MTMR2: variants seen among roughly 807,000 people sequenced by gnomAD.
MTMR2 encodes phosphatidylinositol-3,5-bisphosphate 3-phosphatase MTMR2.
A neutral mutation model predicts 86.9 loss-of-function variants in MTMR2; 55 were observed. The ratio of observed to expected loss-of-function variants is 0.63; its 90% CI spans 0.51 to 0.79. The LOEUF is 0.79. MTMR2 is among the 30% of genes least tolerant of loss of function. The pLI, the probability that MTMR2 is intolerant of heterozygous loss-of-function variation, is 0.00. For synonymous variants in MTMR2, 241 were observed against 266.8 expected (o/e 0.90, Z 0.94); for missense variants, 659 against 772.3 (o/e 0.85, Z 1.74).
intron 1 of MTMR2, among the ~76,000 whole-genome samples, chr11:95,918,970 T>C (rs1028825410): frequency 2.0e-5 from 3 of 152,176 alleles, no homozygotes; most frequent in African/African-American, 7.2e-5. Context: ...CCCAAGTATC[T>C]GGGACTACAG....
intron 5 of MTMR2, 85 bp from the exon 6 acceptor site, chr11:95,858,717 A>C (rs1478291001): frequency 5.5e-6 from 5 of 908,958 alleles, no homozygotes; most frequent in Non-Finnish European, 9.0e-6. Flanking sequence ...TATCTTGTAA[A>C]ATGTTAAGAT....
intron 1 of MTMR2, among the ~76,000 whole-genome samples, chr11:95,921,648 T>C (rs1044909349): frequency 3.9e-5 from 6 of 152,170 alleles, no homozygotes; most frequent in Non-Finnish European, 8.8e-5. Context: ...TGATGATTAA[T>C]GAAATAAAAG....
intron 7 of MTMR2, among the ~76,000 whole-genome samples, chr11:95,857,219 A>G (rs1343805813): frequency 6.6e-6 from 1 of 152,172 alleles, no homozygotes; most frequent in Non-Finnish European, 1.5e-5. Flanking sequence ...ACTCTAGATA[A>G]CAAATCTAAT....
At position 95,862,319 on chromosome 11, in the gene MTMR2, T is replaced by A. The variant is rs1340390391; in HGVS notation, c.310A>T (p.Thr104Ser). 2 of 1,614,022 alleles carry A rather than the reference T, an allele frequency of 1.2e-6. No individual in the cohort carries two copies. The highest frequency in any genetic ancestry group is 1.7e-5 in the Admixed American group (1 of 59,998). ...AACCTATAATTCGTGACAGTCAGAGTTCCTCGTACAGCGCCAGTGAATGGA... is the reference window on the plus strand; with the variant it reads ...AACCTATAATTCGTGACAGTCAGAGATCCTCGTACAGCGCCAGTGAATGGA... Reference protein sequence around the residue: ...ICPFTGAVRGTLTVTNYRLYF... With the variant: ...ICPFTGAVRGSLTVTNYRLYF... Residue 104 changes from threonine (T) to serine (S), a missense_variant, in exon 4 of 15, where the codon ACT becomes TCT. Physicochemically the swap from Thr to Ser is moderately conservative, Grantham distance 58 (BLOSUM62 1). Around this residue, in one of 3 missense-constraint regions of MTMR2, gnomAD observed 387 missense variants for 526.3 expected, o/e 0.74. Transcript: ENST00000346299.
chr11:95,833,850 A>C lies in MTMR2; in HGVS notation c.*1440T>G, dbSNP rs950208224. 5 of 152,062 alleles carry C rather than the reference A, an allele frequency of 3.3e-5. No homozygotes were observed. Among genetic ancestry groups the C allele is most frequent in the African/African-American group, 1.2e-4 (5 of 41,420 alleles). The allele number at this position is 152,062 out of a possible 1,614,324, so 9.4% of individuals were successfully genotyped here. A position where few individuals can be genotyped will look rare whatever the true frequency, so the allele number is the denominator to read the frequency against. On this transcript the variant is annotated 3_prime_UTR_variant, in exon 15 of 15. Transcript: ENST00000346299. ...AATCATTTTGGTACCAATTTTGCTAAATTGGATATACTAATAGAAACTTCC... is the reference window on the plus strand; with the variant it reads ...AATCATTTTGGTACCAATTTTGCTACATTGGATATACTAATAGAAACTTCC...
intron 3 of MTMR2, among the ~76,000 whole-genome samples, chr11:95,863,768 A>G (rs763556524): frequency 1.3e-5 from 2 of 152,148 alleles, no homozygotes; most frequent in African/African-American, 4.8e-5. Flanking sequence ...GATAATATAC[A>G]TATAAAGATG....
Position 95,841,658 on chromosome 11 carries a change from A to G in MTMR2, c.1438T>C (p.Phe480Leu). The G allele has an allele frequency of 6.2e-7, 1 of 1,613,968 alleles. No homozygotes were observed. Among genetic ancestry groups the G allele is most frequent in the Non-Finnish European group, 8.5e-7 (1 of 1,179,874 alleles). The change falls in exon 12 of 15, where the codon TTT becomes CTT. Residue 480 changes from phenylalanine (F) to leucine (L), a missense_variant. This residue lies in a region of MTMR2 where 193 missense variants were observed against 191.6 expected (regional missense o/e 1.01). Coordinates refer to ENST00000346299, the MANE Select transcript of MTMR2 (RefSeq NM_016156.6). ...NHADADRSPV[F>L]LQFIDCVWQM... ...CAGACACAGTCAATAAATTGAAGAA[A>G]AACAGGCGATCTGTCTGCATCTGCA...
chr11:95,853,672 T>C (rs1565353851), intron 7 of MTMR2, among the ~76,000 whole-genome samples: 1 of 152,192 alleles, frequency 6.6e-6, no homozygotes, highest in Non-Finnish European at 1.5e-5. Flanking sequence ...ATATTGTAAT[T>C]GTTAATCTAT....
chr11:95,859,017 ATTTC>A (rs1864309753), intron 5 of MTMR2, among the ~76,000 whole-genome samples: 2 of 152,126 alleles, frequency 1.3e-5, no homozygotes, highest in South Asian at 2.1e-4. Context: ...TCTGTCATAA[ATTTC>A]TTTATTTATA....
At chr11:95,891,840 G>T (rs758654994) in intron 1 of MTMR2, among the ~76,000 whole-genome samples, 39 of 152,198 alleles carry the variant, frequency 2.6e-4, no homozygotes, top group Non-Finnish European at 4.4e-4. Context: ...GAGAGAGAAA[G>T]GGGGAGAGAG....
At chr11:95,862,146 C>T (rs770977768) in intron 4 of MTMR2, 44 bp from the exon 5 acceptor site, 2 of 1,543,454 alleles carry the variant, frequency 1.3e-6, no homozygotes, top group Admixed American at 1.7e-5. Context: ...GCAATTAATA[C>T]TGTCCAATTA....
At chr11:95,841,121 T>C (rs771550394) in intron 12 of MTMR2, among the ~76,000 whole-genome samples, 1 of 152,042 alleles carries the variant, frequency 6.6e-6, no homozygotes, top group African/African-American at 2.4e-5. Context: ...CCATAATAGC[T>C]CTCTCTATGC....
At chr11:95,892,432 A>G (rs1427060682) in intron 1 of MTMR2, among the ~76,000 whole-genome samples, 6 of 152,204 alleles carry the variant, frequency 3.9e-5, no homozygotes, top group African/African-American at 9.6e-5. Flanking sequence ...CACTTCCCAC[A>G]TTAGACTAGA....
intron 1 of MTMR2, among the ~76,000 whole-genome samples, chr11:95,903,175 C>A (rs565563275): frequency 6.6e-6 from 1 of 152,254 alleles, no homozygotes; most frequent in South Asian, 2.1e-4. Context: ...TAACTGCAAT[C>A]ACTCCCTAAT....
chr11:95,917,602 G>T (rs1866757553), intron 1 of MTMR2, among the ~76,000 whole-genome samples: 1 of 152,084 alleles, frequency 6.6e-6, no homozygotes, highest in Non-Finnish European at 1.5e-5. Context: ...CTGTTGACTG[G>T]AAGCTTTACG....
At chr11:95,918,298 A>G (rs1866783715) in intron 1 of MTMR2, among the ~76,000 whole-genome samples, 1 of 152,248 alleles carries the variant, frequency 6.6e-6, no homozygotes, top group South Asian at 2.1e-4. Flanking sequence ...TAATTCAGTT[A>G]GGTCCAAGGT....
At chr11:95,910,083 AT>A (rs1313379819) in intron 1 of MTMR2, among the ~76,000 whole-genome samples, 1 of 148,390 alleles carries the variant, frequency 6.7e-6, no homozygotes, top group South Asian at 2.1e-4. Flanking sequence ...TTGGGGAGAA[AT>A]TTTTTTAAAT....
At chr11:95,923,766 C>G in intron 1 of MTMR2, 109 bp downstream of exon 1, 1 of 1,494,050 alleles carries the variant, frequency 6.7e-7, no homozygotes, top group Non-Finnish European at 9.0e-7. Context: ...GGAATTCCGG[C>G]GTAGCCTTCA....
At chr11:95,840,998 A>G (rs1863520001) in intron 12 of MTMR2, among the ~76,000 whole-genome samples, 2 of 152,180 alleles carry the variant, frequency 1.3e-5, no homozygotes, top group East Asian at 3.8e-4. Flanking sequence ...TTGCCTCATT[A>G]ATAAAGTGAT....
Sources: allele counts gnomAD v4.1 joint callset (sites outside exome capture counted in the v4.1 genomes callset), GRCh38; gene constraint gnomAD v4.1.1; regional missense constraint gnomAD v4.1.1; transcripts MANE v1.5; gene names NCBI Gene and HGNC (gene_info 2026-07-23, HGNC 2026-07-21).